PDE3B: variants seen among roughly 807,000 people sequenced by gnomAD.
PDE3B encodes the protein phosphodiesterase 3B.
Under a neutral mutation model 116.8 loss-of-function variants are expected in PDE3B, and 66 were observed. The observed-to-expected ratio is 0.56, with a 90% CI of 0.46 to 0.69. The LOEUF (loss-of-function observed/expected upper bound fraction) is 0.69. Ranked by LOEUF, PDE3B falls within the 30% of genes least tolerant of loss-of-function variation. The pLI is 0.00. For missense variants in PDE3B, 1,384 were observed against 1,368.1 expected (o/e 1.01, Z -0.18); for synonymous variants, 595 against 533.6 (o/e 1.12, Z -1.59).
intron 1 of PDE3B, among the ~76,000 whole-genome samples, chr11:14,690,963 A>G (rs1441489024): frequency 3.3e-5 from 5 of 152,156 alleles, no homozygotes; most frequent in Admixed American, 2.0e-4. Context: ...GTGGACATCT[A>G]AATACGTTAA....
chr11:14,831,607 T>A (rs762939340), intron 8 of PDE3B, 33 bp from the exon 9 acceptor site: 3 of 1,390,192 alleles, frequency 2.2e-6, no homozygotes, highest in Non-Finnish European at 2.9e-6. Context: ...TTATAAAAGA[T>A]AAAATAAAGT....
intron 12 of PDE3B, among the ~76,000 whole-genome samples, chr11:14,855,651 G>T (rs1013857894): frequency 6.6e-6 from 1 of 151,674 alleles, no homozygotes; most frequent in Non-Finnish European, 1.5e-5. Flanking sequence ...GTGAGCAAGA[G>T]AGAGAGAGAG....
intron 1 of PDE3B, among the ~76,000 whole-genome samples, chr11:14,727,963 A>T (rs753586171): frequency 1.3e-5 from 2 of 152,104 alleles, no homozygotes. Flanking sequence ...GATGAAGAGC[A>T]TGCTTATAGG....
chr11:14,842,117 G>C (rs368957345), intron 11 of PDE3B, among the ~76,000 whole-genome samples: 1 of 151,820 alleles, frequency 6.6e-6, no homozygotes, highest in African/African-American at 2.4e-5. Context: ...CTACATATAC[G>C]AGATTAGGCC....
Position 14,644,511 on chromosome 11 carries a change from G to C in PDE3B, c.436G>C (p.Gly146Arg). The change falls in exon 1 of 16, where the codon GGC becomes CGC. Residue 146 changes from glycine to arginine, a missense_variant. By Grantham distance (125) the Gly-to-Arg change is moderately radical. Around this residue, in one of 2 missense-constraint regions of PDE3B, gnomAD observed 956 missense variants for 806.8 expected, o/e 1.18. Transcript: ENST00000282096. The stretch of plus-strand genomic sequence containing the variant: ...CCGGACCAAGCGGGGACCCGGCCCG[G>C]GCCGGAGCTGCGGCTCCTGGTGGCT... The part of the protein sequence containing the change: ...LTRTKRGPGP[G>R]RSCGSWWLLA... 6.2e-7 allele frequency: 1 copy of C among 1,609,674 alleles called. No individual in the cohort carries two copies. Among genetic ancestry groups the C allele is most frequent in the Non-Finnish European group, 8.5e-7 (1 of 1,178,128 alleles).
At position 14,848,594 on chromosome 11, in the gene PDE3B, T is replaced by C. The variant is rs1296499633; in HGVS notation, c.2520+4568T>C. 1.4e-4 allele frequency among the ~76,000 whole-genome samples: 22 copies of C among 152,202 alleles called. 1 individual carries two copies. The East Asian group carries it at 3.5e-3, about 24-fold the overall frequency. On this transcript the variant is annotated intron_variant, in intron 12 of 15. Coordinates refer to ENST00000282096, the MANE Select transcript of PDE3B (RefSeq NM_000922.4). ...TGATTGTATATCTAGAAAACCCCAT[T>C]GTCTCAGCCCAAAATCTCCTTAAGC...
rs1856655874 is a variant in PDE3B at position 14,738,134 on chromosome 11, A to G, written c.979-33803A>G. Among the ~76,000 whole-genome samples the G allele has an allele frequency of 3.9e-5, 6 of 152,296 alleles. No individual in the cohort carries two copies. The South Asian group carries it at 8.3e-4, about 21-fold the overall frequency. On this transcript the variant is annotated intron_variant, in intron 1 of 15. Coordinates refer to ENST00000282096, the MANE Select transcript of PDE3B (RefSeq NM_000922.4). ...TTTATAGTCCTTTGGGTATATACCC[A>G]GTAGTGGGATGGCTGGGTCAAATGG...
intron 1 of PDE3B, among the ~76,000 whole-genome samples, chr11:14,753,730 C>T (rs1270866768): frequency 6.6e-6 from 1 of 151,996 alleles, no homozygotes; most frequent in Non-Finnish European, 1.5e-5. Context: ...AGCAGGAACT[C>T]CCCAGGTTTT....
chr11:14,893,151 C>G, the PDE3B span, among the ~76,000 whole-genome samples: 1 of 152,158 alleles, frequency 6.6e-6, no homozygotes, highest in Non-Finnish European at 1.5e-5. Flanking sequence ...CTACTATGTT[C>G]CCATGTCCTA....
chr11:14,672,755 C>T (rs75238594), intron 1 of PDE3B, among the ~76,000 whole-genome samples: 1 of 152,018 alleles, frequency 6.6e-6, no homozygotes, highest in East Asian at 1.9e-4. Flanking sequence ...AAGAGAGAGT[C>T]CACAGAGTCC....
intron 1 of PDE3B, among the ~76,000 whole-genome samples, chr11:14,766,207 G>A (rs985050334): frequency 6.6e-6 from 1 of 151,616 alleles, no homozygotes; most frequent in Admixed American, 6.6e-5. Flanking sequence ...TGAGTAAATA[G>A]GCTGCTTGTT....
chr11:14,665,633 CAGAG>C lies in PDE3B; in HGVS notation c.978+20583_978+20586del, dbSNP rs573431964. ...TTCTTATACACCAATAACAGACAAACAGAGAGCCAAATCATGAGTGAACTCCCAT... is the reference window on the plus strand; with the variant it reads ...TTCTTATACACCAATAACAGACAAACAGCCAAATCATGAGTGAACTCCCAT... On this transcript the variant is annotated intron_variant, in intron 1 of 15. Coordinates refer to ENST00000282096, the MANE Select transcript of PDE3B (RefSeq NM_000922.4). Among the ~76,000 whole-genome samples, 303 of 152,244 alleles carry C rather than the reference CAGAG, an allele frequency of 2.0e-3. 2 individuals are homozygous for C. Among genetic ancestry groups the C allele is most frequent in the Non-Finnish European group, 2.6e-3 (177 of 68,022 alleles).
At position 14,669,142 on chromosome 11, in the gene PDE3B, A is replaced by G. The variant is rs533491822; in HGVS notation, c.978+24089A>G. Reference sequence around the variant, plus strand: ...TTAGACATACAAGGGCAGAATAGGGAGCTGTTAAGACTCAGAGAGTAGCTG... The same window carrying G: ...TTAGACATACAAGGGCAGAATAGGGGGCTGTTAAGACTCAGAGAGTAGCTG... On this transcript the variant is annotated intron_variant, in intron 1 of 15. Transcript: ENST00000282096. 5.9e-5 allele frequency among the ~76,000 whole-genome samples: 9 copies of G among 152,250 alleles called. No homozygotes were observed. The South Asian group carries it at 1.9e-3, about 32-fold the overall frequency.
intron 1 of PDE3B, among the ~76,000 whole-genome samples, chr11:14,662,963 C>G (rs2133765698): frequency 6.6e-6 from 1 of 152,010 alleles, no homozygotes; most frequent in East Asian, 1.9e-4. Context: ...GAGAACGCCA[C>G]AAAGATACTC....
chr11:14,867,769 AGGGACATTATAAT>A lies in PDE3B; in HGVS notation c.3139+12_3139+24del, dbSNP rs782203239. 1.1e-5 allele frequency: 17 copies of A among 1,581,956 alleles called. No individual in the cohort carries two copies. The highest frequency in any genetic ancestry group is 8.7e-7 in the Non-Finnish European group (1 of 1,152,010). On this transcript the variant is annotated intron_variant, in intron 15 of 15. Transcript: ENST00000282096. ...ACAATCTAAATCCAAGTAAGAATATAGGGACATTATAATTTATTTAATGTTATAGGTTGAGTAT... is the reference window on the plus strand; with the variant it reads ...ACAATCTAAATCCAAGTAAGAATATATTATTTAATGTTATAGGTTGAGTAT...
chr11:14,789,076 A>G, intron 3 of PDE3B, 30 bp from the exon 4 acceptor site: 4 of 1,557,378 alleles, frequency 2.6e-6, no homozygotes, highest in Non-Finnish European at 3.5e-6. Context: ...AAAGAGTGAC[A>G]TTTTAAACCA....
intron 1 of PDE3B, among the ~76,000 whole-genome samples, chr11:14,732,257 T>C (rs1389511681): frequency 6.6e-6 from 1 of 152,096 alleles, no homozygotes; most frequent in Non-Finnish European, 1.5e-5. Flanking sequence ...ATGAAAATAA[T>C]GAAAAAGCAT....
At chr11:14,783,311 T>C (rs1404888431) in intron 2 of PDE3B, among the ~76,000 whole-genome samples, 1 of 152,226 alleles carries the variant, frequency 6.6e-6, no homozygotes, top group Non-Finnish European at 1.5e-5. Flanking sequence ...CATGCACATG[T>C]ATGTTTATTG....
intron 1 of PDE3B, among the ~76,000 whole-genome samples, chr11:14,729,914 TAAA>T (rs1177333116): frequency 6.7e-6 from 1 of 149,464 alleles, no homozygotes; most frequent in African/African-American, 2.5e-5. Flanking sequence ...TTTTAAGAAC[TAAA>T]AAAAAAATTG....
Sources: allele counts gnomAD v4.1 joint callset (sites outside exome capture counted in the v4.1 genomes callset), GRCh38; gene constraint gnomAD v4.1.1; regional missense constraint gnomAD v4.1.1; transcripts MANE v1.5; gene names NCBI Gene and HGNC (gene_info 2026-07-23, HGNC 2026-07-21).